Variants in DNASE1 observed in about 807,000 individuals in gnomAD.
DNASE1 encodes the protein deoxyribonuclease-1.
Under a neutral mutation model 33.9 loss-of-function variants are expected in DNASE1, and 40 were observed. The ratio of observed to expected loss-of-function variants is 1.18; its 90% CI spans 0.92 to 1.54. The LOEUF (loss-of-function observed/expected upper bound fraction) is 1.54. Among genes scored for constraint, DNASE1 ranks in the 40% most tolerant of loss-of-function variants. DNASE1 has a pLI of 0.00. For missense variants in DNASE1, 518 were observed against 372.6 expected (o/e 1.39, Z -3.21); for synonymous variants, 216 against 160.0 (o/e 1.35, Z -2.64).
chr16:3,616,836 A>T (rs1006467149), intron 1 of DNASE1, among the ~76,000 whole-genome samples: 1 of 152,166 alleles, frequency 6.6e-6, no homozygotes, highest in Non-Finnish European at 1.5e-5. Context: ...GTCTAGAAAT[A>T]AACCCTTATA....
chr16:3,659,721 A>G (rs761935013), downstream of DNASE1: 3 of 151,534 alleles, frequency 2.0e-5, no homozygotes, highest in Non-Finnish European at 4.4e-5. Context: ...TCCATTTCCT[A>G]ACTGCATCCC....
intron 1 of DNASE1, among the ~76,000 whole-genome samples, chr16:3,623,162 A>G (rs916212862): frequency 6.6e-6 from 1 of 152,218 alleles, no homozygotes; most frequent in African/African-American, 2.4e-5. Context: ...TCAGTGGGAC[A>G]GAATAGAGAA....
At position 3,656,720 on chromosome 16, in the gene DNASE1, C is replaced by T. The variant is rs776444658; in HGVS notation, c.403C>T (p.Pro135Ser). 5.6e-6 allele frequency: 9 copies of T among 1,612,392 alleles called. No homozygotes were observed. Among genetic ancestry groups the T allele is most frequent in the African/African-American group, 1.3e-5 (1 of 74,854 alleles). Residue 135 changes from proline to serine, a missense_variant, in exon 5 of 9, where the codon CCA becomes TCA. By Grantham distance (74) the Pro-to-Ser change is moderately conservative (BLOSUM62 -1). Transcript: ENST00000246949. ...CGGGAACGACACCTTCAACCGAGAGCCAGCCATTGTCAGGTTCTTCTCCCG... is the reference window on the plus strand; with the variant it reads ...CGGGAACGACACCTTCAACCGAGAGTCAGCCATTGTCAGGTTCTTCTCCCG... ...PCGNDTFNRE[P>S]AIVRFFSRFT...
chr16:3,650,164 A>G (rs2042288989), upstream of DNASE1, among the ~76,000 whole-genome samples: 1 of 152,170 alleles, frequency 6.6e-6, no homozygotes, highest in African/African-American at 2.4e-5. Flanking sequence ...ATTTGTTATT[A>G]TGTATGTCCT....
intron 1 of DNASE1, among the ~76,000 whole-genome samples, chr16:3,618,250 TAAA>T (rs34169414): frequency 2.5e-5 from 3 of 120,228 alleles, no homozygotes; most frequent in Admixed American, 8.6e-5. Context: ...AGCCATTTCC[TAAA>T]AAAAAAAAAA....
chr16:3,662,298 G>A (rs1567220599), downstream of DNASE1: 2 of 816,590 alleles, frequency 2.4e-6, no homozygotes, highest in Non-Finnish European at 3.7e-6. Flanking sequence ...TAACTTGTGG[G>A]CCCTGAGCTG....
upstream of DNASE1, among the ~76,000 whole-genome samples, chr16:3,642,464 G>A (rs367577171): frequency 3.3e-4 from 50 of 152,276 alleles, no homozygotes; most frequent in East Asian, 9.7e-4. Context: ...ACCAGCAGCC[G>A]GAGAGAGTGG....
upstream of DNASE1, chr16:3,641,032 G>T (rs1306624465): frequency 2.5e-6 from 1 of 398,276 alleles, no homozygotes; most frequent in Non-Finnish European, 4.4e-6. Context: ...GGGTGGATCA[G>T]CACCAAGCTA....
At chr16:3,662,012 G>A, downstream of DNASE1, 1 of 1,611,022 alleles carries the variant, frequency 6.2e-7, no homozygotes. Context: ...AGCGTGGGCT[G>A]CAGGAGCTGT....
chr16:3,662,375 G>GA, downstream of DNASE1: 1 of 591,236 alleles, frequency 1.7e-6, no homozygotes. Flanking sequence ...CTGCCTCCAG[G>GA]AGCTGCCCGA....
intron 1 of DNASE1, among the ~76,000 whole-genome samples, chr16:3,645,546 C>G (rs1161872085): frequency 6.6e-6 from 1 of 152,196 alleles, no homozygotes; most frequent in East Asian, 1.9e-4. Context: ...AAGCAGAATG[C>G]AGAAAGCGGC....
chr16:3,616,011 C>G (rs1308999863), intron 1 of DNASE1, among the ~76,000 whole-genome samples: 1 of 152,180 alleles, frequency 6.6e-6, no homozygotes, highest in African/African-American at 2.4e-5. Flanking sequence ...GTTCTTTGAT[C>G]ATGTTAACTT....
At chr16:3,665,334 G>A (rs989419435) in exon 10 of DNASE1, 1 of 152,358 alleles carries the variant, frequency 6.6e-6, no homozygotes, top group Non-Finnish European at 1.5e-5. Context: ...AATGTTCTGG[G>A]GTTACAGTGG....
chr16:3,639,450 C>A (rs1178384598), upstream of DNASE1, among the ~76,000 whole-genome samples: 1 of 152,218 alleles, frequency 6.6e-6, no homozygotes, highest in Non-Finnish European at 1.5e-5. Flanking sequence ...TTCCAGCTCA[C>A]TGTGTTAGCG....
At chr16:3,627,768 T>C (rs1596574201) in intron 1 of DNASE1, among the ~76,000 whole-genome samples, 2 of 152,190 alleles carry the variant, frequency 1.3e-5, no homozygotes, top group East Asian at 3.8e-4. Flanking sequence ...ATAGTCTGTA[T>C]GTCTGTCTTC....
At chr16:3,620,251 A>G (rs1480390222) in intron 1 of DNASE1, among the ~76,000 whole-genome samples, 3 of 152,172 alleles carry the variant, frequency 2.0e-5, no homozygotes, top group South Asian at 2.1e-4. Flanking sequence ...TTTACATGTC[A>G]TATTTACCAC....
At chr16:3,626,580 C>T (rs1043217645) in intron 1 of DNASE1, among the ~76,000 whole-genome samples, 7 of 152,176 alleles carry the variant, frequency 4.6e-5, no homozygotes, top group Non-Finnish European at 1.0e-4. Flanking sequence ...CAAGCTTGAA[C>T]ACTTGAAAAC....
chr16:3,622,868 C>G (rs2041371786), intron 1 of DNASE1, among the ~76,000 whole-genome samples: 4 of 152,312 alleles, frequency 2.6e-5, no homozygotes, highest in South Asian at 4.1e-4. Context: ...TTTACGTTCT[C>G]TTAATGATGC....
downstream of DNASE1, chr16:3,658,655 G>A: frequency 2.4e-6 from 2 of 847,628 alleles, no homozygotes; most frequent in East Asian, 2.7e-5. Flanking sequence ...CCTGGCAACA[G>A]AGCAACACTC....
Sources: allele counts gnomAD v4.1 joint callset (sites outside exome capture counted in the v4.1 genomes callset), GRCh38; gene constraint gnomAD v4.1.1; transcripts MANE v1.5; gene names NCBI Gene and HGNC (gene_info 2026-07-23, HGNC 2026-07-21).